The following CAMTA2 variants were observed in gnomAD, a reference collection of about 807,000 sequenced individuals.
CAMTA2 encodes calmodulin binding transcription activator 2, also known as calmodulin-binding transcription activator 2.
In CAMTA2, 56 loss-of-function variants were observed where a neutral mutation model predicts 135.7. The observed-to-expected ratio is 0.41, with a 90% confidence interval of 0.33 to 0.52. The LOEUF is 0.52. Among genes scored for constraint, CAMTA2 ranks in the 20% least tolerant of loss-of-function variants. The probability of loss-of-function intolerance (pLI) is 0.16; values close to 1 mark genes in which losing one functional copy is unlikely to be tolerated. For missense variants in CAMTA2, 1,358 were observed against 1,553.4 expected (o/e 0.87, Z 2.11); for synonymous variants, 591 against 604.6 (o/e 0.98, Z 0.33).
Position 4,972,427 on chromosome 17 carries a change from G to A in CAMTA2, c.2613C>T (p.Ala871=). ...CCATGTCCTCCATAGTCATCTCAGA[G>A]GCTGGCAGAGGTGCAGGGGGGGGAC... is the stretch of plus-strand genomic sequence containing the variant. The part of the protein sequence containing the change: ...DGSPPPAPLP[A]SEMTMEDMAP... The change falls in exon 16 of 23, where the codon GCC becomes GCT. Residue 871 remains alanine, a synonymous_variant. Coordinates refer to ENST00000348066, the MANE Select transcript of CAMTA2 (RefSeq NM_015099.4). 1 of 1,614,096 alleles carries A rather than the reference G, an allele frequency of 6.2e-7. No individual in the cohort carries two copies.
chr17:4,972,104 C>G (rs1972327312), intron 16 of CAMTA2, 128 bp downstream of exon 16: 6 of 776,056 alleles, frequency 7.7e-6, no homozygotes, highest in Admixed American at 4.7e-5. Flanking sequence ...GCTACCTTGC[C>G]TGTCCCAAAA....
intron 5 of CAMTA2, 24 bp from the exon 6 acceptor site, chr17:4,982,184 G>C: frequency 1.5e-6 from 1 of 669,404 alleles, no homozygotes; most frequent in Non-Finnish European, 2.7e-6. Flanking sequence ...GGCTGGGGTG[G>C]GGGGAGGGCT....
Position 4,973,608 on chromosome 17 carries a change from G to A in CAMTA2, c.2178C>T (p.Leu726=). The change falls in exon 13 of 23, where the codon CTC becomes CTT. Residue 726 remains leucine, a synonymous_variant. Coordinates refer to ENST00000348066, the MANE Select transcript of CAMTA2 (RefSeq NM_015099.4). ...ACCGCCACTGGCTCAGGGTCTCGAT[G>A]AGGCGGGCATAGCCCTGGGCAGCAG... is the stretch of plus-strand genomic sequence containing the variant. ...HLAAAQGYAR[L]IETLSQWRSV... The A allele has an allele frequency of 6.2e-7, 1 of 1,613,312 alleles. No individual in the cohort carries two copies. The highest frequency in any genetic ancestry group is 8.5e-7 in the Non-Finnish European group (1 of 1,179,886).
rs151058277 is a variant in CAMTA2 at position 4,978,603 on chromosome 17, G to A, written c.1666C>T (p.Pro556Ser). The A allele has an allele frequency of 1.2e-6, 2 of 1,613,936 alleles. No individual in the cohort carries two copies. Among genetic ancestry groups the A allele is most frequent in the Non-Finnish European group, 1.7e-6 (2 of 1,179,898 alleles). The change falls in exon 10 of 23, where the codon CCT becomes TCT. Residue 556 changes from proline (P) to serine (S), a missense_variant. Coordinates refer to ENST00000348066, the MANE Select transcript of CAMTA2 (RefSeq NM_015099.4). ...TAATGCTCGGCGGCTTCGGTCCAAG[G>A]ACCTGTGATGAGCACCTTGACCCCA... ...EGGVKVLITG[P>S]WTEAAEHYSC...
Position 4,969,922 on chromosome 17 carries a change from T to C in CAMTA2, c.3169A>G (p.Thr1057Ala), listed in dbSNP as rs754758526. The change falls in exon 18 of 23, where the codon ACG becomes GCG. Residue 1057 changes from threonine to alanine, a missense_variant. Physicochemically the swap from Thr to Ala is moderately conservative, Grantham distance 58 (BLOSUM62 0). Transcript: ENST00000348066. This position sits in a 1 kb window ranked among gnomAD's most constrained non-coding sequence, Gnocchi z 5.6. ...ELYEAARVIQTAFRKYKGRRL... is the reference protein window; with the variant it reads ...ELYEAARVIQAAFRKYKGRRL... ...CTGACCTTGTACTTTCGGAAGGCCG[T>C]CTGGATGACTCGGGCAGCCTCATAC... is the stretch of plus-strand genomic sequence containing the variant. 1 of 1,614,144 alleles carries C rather than the reference T, an allele frequency of 6.2e-7. No homozygotes were observed. The highest frequency in any genetic ancestry group is 8.5e-7 in the Non-Finnish European group (1 of 1,180,020).
chr17:4,970,045 C>T lies in CAMTA2; in HGVS notation c.3046G>A (p.Ala1016Thr), dbSNP rs1401409090. ...FERGRLAVPSAPSWAEFLSAS... is the reference protein window; with the variant it reads ...FERGRLAVPSTPSWAEFLSAS... ...GAGAGAAACTCTGCCCAGGAGGGTGCTGAAGGGACAGCCAGGCGACCTCGC... is the reference window on the plus strand; with the variant it reads ...GAGAGAAACTCTGCCCAGGAGGGTGTTGAAGGGACAGCCAGGCGACCTCGC... Residue 1016 changes from alanine (A) to threonine (T), a missense_variant, in exon 18 of 23, where the codon GCA becomes ACA. By Grantham distance (58) the Ala-to-Thr change is moderately conservative. Transcript: ENST00000348066. The T allele has an allele frequency of 6.2e-7, 1 of 1,614,170 alleles. No individual in the cohort carries two copies. Among genetic ancestry groups the T allele is most frequent in the South Asian group, 1.1e-5 (1 of 91,092 alleles).
In CAMTA2 at chr17:4,973,380, C is replaced by G. The variant is rs146651734; in HGVS notation, c.2202-127G>C. On this transcript the variant is annotated intron_variant, in intron 13 of 22. Coordinates refer to ENST00000348066, the MANE Select transcript of CAMTA2 (RefSeq NM_015099.4). ...CGGTGGGAAGAGGCAGTCAAGGACACTAGCTTAAGGAGGTCAAGAAGTCAA... is the reference window on the plus strand; with the variant it reads ...CGGTGGGAAGAGGCAGTCAAGGACAGTAGCTTAAGGAGGTCAAGAAGTCAA... 1.4e-3 allele frequency: 1,238 copies of G among 898,710 alleles called. 9 individuals are homozygous for G. The African/African-American group carries it at 0.016, about 11-fold the overall frequency. The allele number at this position is 898,710 out of a possible 1,614,324, so 55.7% of individuals were successfully genotyped here. A position where few individuals can be genotyped will look rare whatever the true frequency, so the allele number is the denominator to read the frequency against.
rs1368384694 is a variant in CAMTA2, at chr17:4,979,715, G to A, written c.1607C>T (p.Thr536Ile). The A allele has an allele frequency of 1.2e-6, 2 of 1,613,822 alleles. No individual in the cohort carries two copies. The highest frequency in any genetic ancestry group is 8.5e-7 in the Non-Finnish European group (1 of 1,179,894). ...PQLSPALSTITDFSPEWSYPE... is the reference protein window; with the variant it reads ...PQLSPALSTIIDFSPEWSYPE... The stretch of plus-strand genomic sequence containing the variant: ...GTAGGACCACTCTGGGGAGAAGTCT[G>A]TGATGGTGCTAAGAGCAGGAGACAG... Residue 536 changes from threonine (T) to isoleucine (I), a missense_variant, in exon 9 of 23, where the codon ACA becomes ATA. This residue lies in a region of CAMTA2 where 1,077 missense variants were observed against 1,127.5 expected (regional missense o/e 0.96). Transcript: ENST00000348066.
chr17:4,980,198 A>C lies in CAMTA2; in HGVS notation c.1124T>G (p.Phe375Cys). The change falls in exon 9 of 23, where the codon TTT becomes TGT. Residue 375 changes from phenylalanine (F) to cysteine (C), a missense_variant. Physicochemically the swap from Phe to Cys is radical, Grantham distance 205. Around this residue, in one of 4 missense-constraint regions of CAMTA2, gnomAD observed 1,077 missense variants for 1,127.5 expected, o/e 0.96. Coordinates refer to ENST00000348066, the MANE Select transcript of CAMTA2 (RefSeq NM_015099.4). This position sits in a 1 kb window ranked among gnomAD's most constrained non-coding sequence, Gnocchi z 5.3. ...SAPPAPPSPA[F>C]DPDRFLNSPQ... ...GCTGTTGAGAAAACGATCAGGGTCA[A>C]AGGCAGGACTGGGAGGAGCTGGTGG... 6.3e-7 allele frequency: 1 copy of C among 1,575,752 alleles called. No individual in the cohort carries two copies. Among genetic ancestry groups the C allele is most frequent in the Non-Finnish European group, 8.6e-7 (1 of 1,160,534 alleles).
rs1972028630 is a variant in CAMTA2 at position 4,968,156 on chromosome 17, T to C, written c.*600A>G. On this transcript the variant is annotated 3_prime_UTR_variant, in exon 23 of 23. Transcript: ENST00000348066. ...CTTAAATAGATTCTTCACTATACTC[T>C]GTATGTTACAGTATGTACAAGACCC... is the stretch of plus-strand genomic sequence containing the variant. 5.7e-6 allele frequency: 2 copies of C among 352,402 alleles called. No homozygotes were observed. The highest frequency in any genetic ancestry group is 4.2e-5 in the African/African-American group (2 of 47,710). The allele number at this position is 352,402 out of a possible 1,614,324, so 21.8% of individuals were successfully genotyped here.
intron 9 of CAMTA2, chr17:4,979,436 G>A (rs1972820954): frequency 6.6e-6 from 2 of 301,538 alleles, no homozygotes. Flanking sequence ...TTTGAACCCG[G>A]GAGGCGGAGG....
intron 5 of CAMTA2, 68 bp downstream of exon 5, chr17:4,982,689 G>A: frequency 6.3e-7 from 1 of 1,574,816 alleles, no homozygotes; most frequent in South Asian, 1.1e-5. Flanking sequence ...CCCAGGTCGG[G>A]CTAGAGCCCA....
At chr17:4,986,931 C>G (rs770209795) in intron 1 of CAMTA2, 2 of 1,519,696 alleles carry the variant, frequency 1.3e-6, no homozygotes, top group Non-Finnish European at 1.8e-6. Context: ...CTCTGCCTCC[C>G]CTGGCCTCCA....
chr17:4,977,326 C>T, intron 10 of CAMTA2, 134 bp from the exon 11 acceptor site: 1 of 1,130,082 alleles, frequency 8.8e-7, no homozygotes, highest in Middle Eastern at 2.9e-4. Flanking sequence ...CCCCTGGCTT[C>T]AGTGGCCTTG....
chr17:4,968,892 A>T lies in CAMTA2; in HGVS notation c.3545+15T>A, dbSNP rs1001058184. The T allele has an allele frequency of 4.3e-6, 7 of 1,613,472 alleles. No homozygotes were observed. The African/African-American group carries it at 6.7e-5, about 15-fold the overall frequency. On this transcript the variant is annotated intron_variant, in intron 22 of 22. Transcript: ENST00000348066. ...GGTGGCAACGCAAAAGCCCAGGGGG[A>T]GAAGGGATGAGTACCTGTGTCGGCA...
chr17:4,979,653 G>A, intron 9 of CAMTA2, 31 bp downstream of exon 9: 1 of 1,460,816 alleles, frequency 6.8e-7, no homozygotes, highest in Non-Finnish European at 9.5e-7. Flanking sequence ...CAAATAGGAG[G>A]GAGGAGGGAG....
At position 4,982,975 on chromosome 17, in the gene CAMTA2, C is replaced by T. The variant is rs1567698484; in HGVS notation, c.203+1G>A. ...TCCCCCATGTTCTCAAACTTTCTCA[C>T]CTTGTCTTTGGGGCACAAGACAGCC... On this transcript the variant is annotated splice_donor_variant, in intron 4 of 22. Transcript: ENST00000348066. LOFTEE classifies it high-confidence loss of function. 1 of 1,614,084 alleles carries T rather than the reference C, an allele frequency of 6.2e-7. No individual in the cohort carries two copies. The highest frequency in any genetic ancestry group is 2.2e-5 in the East Asian group (1 of 44,892).
intron 1 of CAMTA2, chr17:4,986,611 T>C (rs912390177): frequency 2.0e-6 from 1 of 512,134 alleles, no homozygotes; most frequent in African/African-American, 2.0e-5. Context: ...TTGGGTCAGG[T>C]CCTGGGGGTT....
chr17:4,982,365 G>A, intron 5 of CAMTA2: 1 of 598,992 alleles, frequency 1.7e-6, no homozygotes. Flanking sequence ...CTTATAGTGA[G>A]GACCAGATTT....
Sources: allele counts gnomAD v4.1 joint callset, GRCh38; gene constraint gnomAD v4.1.1; regional missense constraint gnomAD v4.1.1; non-coding constraint Gnocchi (gnomAD v3.1); transcripts MANE v1.5; gene names NCBI Gene and HGNC (gene_info 2026-07-23, HGNC 2026-07-21).